RGS3: variants seen among roughly 807,000 people sequenced by gnomAD.
The protein encoded by RGS3 is regulator of G protein signaling 3.
Under a neutral mutation model 132.6 loss-of-function variants are expected in RGS3, and 80 were observed. That is an observed-to-expected ratio of 0.60 (90% CI 0.50 to 0.73). The LOEUF is 0.73. RGS3 is among the 30% of genes least tolerant of loss of function. The probability of loss-of-function intolerance (pLI) is 0.00; values close to 1 mark genes in which losing one functional copy is unlikely to be tolerated. For missense variants in RGS3, 1,382 were observed against 1,530.8 expected (o/e 0.90, Z 1.62); for synonymous variants, 598 against 620.6 (o/e 0.96, Z 0.54).
intron 3 of RGS3, among the ~76,000 whole-genome samples, chr9:113,470,383 C>A (rs922097769): frequency 7.2e-5 from 11 of 152,140 alleles, no homozygotes; most frequent in African/African-American, 2.7e-4. Flanking sequence ...TTGTCTATTT[C>A]CCATTGCAGT....
At chr9:113,468,650 A>G (rs950762648) in intron 3 of RGS3, among the ~76,000 whole-genome samples, 3 of 152,206 alleles carry the variant, frequency 2.0e-5, no homozygotes, top group Non-Finnish European at 4.4e-5. Context: ...AAGGGATACC[A>G]ACTTATTAGT....
rs138354094 is a variant in RGS3, at chr9:113,595,718, G to T, written c.3364G>T (p.Ala1122Ser). Residue 1122 changes from alanine (A) to serine (S), a missense_variant, in exon 24 of 25, where the codon GCC becomes TCC. Transcript: ENST00000350696. ...GTCACAGTCCAAGATGGCATCCAAG[G>T]CCAAGAAGATCTTTGCTGAATACAT... 2.3e-5 allele frequency: 37 copies of T among 1,614,164 alleles called. No individual in the cohort carries two copies. In the East Asian group the frequency reaches 7.8e-4, roughly 34 times the overall value.
At chr9:113,487,716 C>A (rs1488007077) in intron 7 of RGS3, among the ~76,000 whole-genome samples, 1 of 152,094 alleles carries the variant, frequency 6.6e-6, no homozygotes, top group Non-Finnish European at 1.5e-5. Context: ...AGGTTAAGTA[C>A]AAAGTAGGGA....
chr9:113,565,174 G>A lies in RGS3; in HGVS notation c.2038-18276G>A, dbSNP rs1833938691. 2 of 1,228,670 alleles carry A rather than the reference G, an allele frequency of 1.6e-6. No individual in the cohort carries two copies. Among genetic ancestry groups the A allele is most frequent in the African/African-American group, 1.6e-5 (1 of 63,884 alleles). The allele number at this position is 1,228,670 out of a possible 1,614,324, so 76.1% of individuals were successfully genotyped here. Reference sequence around the variant, plus strand: ...ACCCACAGCCTATGCGTGTGAGCATGTAACCCGGGAGCCAGCTGGGCCCCT... The same window carrying A: ...ACCCACAGCCTATGCGTGTGAGCATATAACCCGGGAGCCAGCTGGGCCCCT... On this transcript the variant is annotated intron_variant, in intron 19 of 24. Transcript: ENST00000350696. The surrounding 1 kb of genome is among the most constrained non-coding windows in gnomAD (Gnocchi z 5.7).
intron 1 of RGS3, among the ~76,000 whole-genome samples, chr9:113,454,429 G>GA (rs1321744509): frequency 7.2e-5 from 11 of 151,942 alleles, no homozygotes; most frequent in African/African-American, 2.7e-4. Context: ...CCAACATGGT[G>GA]AAACCCTGTC....
chr9:113,528,577 T>G (rs1832323673), intron 17 of RGS3, among the ~76,000 whole-genome samples: 1 of 152,202 alleles, frequency 6.6e-6, no homozygotes, highest in African/African-American at 2.4e-5. Flanking sequence ...TTAGCTCCTC[T>G]GCTGAAGGAG....
intron 10 of RGS3, among the ~76,000 whole-genome samples, chr9:113,498,679 C>G (rs145030707): frequency 6.6e-6 from 1 of 152,216 alleles, no homozygotes; most frequent in South Asian, 2.1e-4. Context: ...CTTTGGGAGG[C>G]CGAGGTGGGC....
chr9:113,508,578 A>G, exon 14 of RGS3: 1 of 1,612,228 alleles, frequency 6.2e-7, no homozygotes, highest in South Asian at 1.1e-5. Context: ...ACCATCCCCG[A>G]AGGTGAGTCT....
intron 5 of RGS3, among the ~76,000 whole-genome samples, chr9:113,483,663 C>G (rs1395150125): frequency 6.6e-6 from 1 of 152,198 alleles, no homozygotes; most frequent in Non-Finnish European, 1.5e-5. Flanking sequence ...CTGAAGCCTT[C>G]AGGCTGATCA....
At position 113,507,186 on chromosome 9, in the gene RGS3, C is replaced by G. The variant is rs183111830; in HGVS notation, c.1086-101C>G. 5.8e-4 allele frequency: 549 copies of G among 938,558 alleles called. 2 individuals are homozygous for G. The African/African-American group carries it at 8.3e-3, about 14-fold the overall frequency. 58.1% of individuals were successfully genotyped at this position (938,558 alleles called of 1,614,324 possible). A position where few individuals can be genotyped will look rare whatever the true frequency, so the allele number is the denominator to read the frequency against. On this transcript the variant is annotated intron_variant, in intron 12 of 24. Coordinates refer to ENST00000350696, the Ensembl canonical transcript of RGS3. This position sits in a 1 kb window ranked among gnomAD's most constrained non-coding sequence, Gnocchi z 5.0. ...TGGGGGCTTCCCCTCTGGTGTCTGC[C>G]TCCTCTTCCCCCATTATCCTCTCTG...
chr9:113,543,326 G>T (rs190796343), intron 19 of RGS3, among the ~76,000 whole-genome samples: 90 of 152,340 alleles, frequency 5.9e-4, no homozygotes, highest in Non-Finnish European at 1.1e-3. Context: ...GCCTAGAAGA[G>T]AATACACCCC....
intron 19 of RGS3, among the ~76,000 whole-genome samples, chr9:113,577,296 TTTTAGAAATTAGC>T (rs750900296): frequency 2.6e-5 from 4 of 152,192 alleles, no homozygotes; most frequent in African/African-American, 7.2e-5. Context: ...AACTTTTATT[TTTTAGAAATTAGC>T]TTTAGAAATT....
chr9:113,490,981 TATTA>T (rs1830497734), intron 7 of RGS3, among the ~76,000 whole-genome samples: 1 of 133,722 alleles, frequency 7.5e-6, no homozygotes, highest in East Asian at 2.1e-4. Flanking sequence ...ATAACTTAAT[TATTA>T]TATATTGGTA....
upstream of RGS3, among the ~76,000 whole-genome samples, chr9:113,459,279 T>G (rs910103078): frequency 1.3e-5 from 2 of 152,224 alleles, no homozygotes; most frequent in Non-Finnish European, 2.9e-5. Context: ...TATCTGGATT[T>G]TCTATAATTT....
At chr9:113,540,810 G>C (rs1284451486) in intron 19 of RGS3, among the ~76,000 whole-genome samples, 3 of 152,216 alleles carry the variant, frequency 2.0e-5, no homozygotes, top group Non-Finnish European at 4.4e-5. Flanking sequence ...TGTGACCTCA[G>C]GTGAGCCAGT....
chr9:113,582,078 G>C (rs1327958928), intron 19 of RGS3: 2 of 985,284 alleles, frequency 2.0e-6, no homozygotes, highest in Admixed American at 1.2e-4. Flanking sequence ...CCAGATGCCA[G>C]CGTGACCCCT....
intron 1 of RGS3, among the ~76,000 whole-genome samples, chr9:113,447,327 A>ATATATATATATATATATATATATG (rs1484683848): frequency 2.8e-5 from 2 of 72,624 alleles, no homozygotes; most frequent in East Asian, 4.6e-4. Context: ...ATGTATGTAT[A>ATATATATATATATATATATATATG]TGTATATATA....
chr9:113,578,976 G>A (rs1005663117), intron 19 of RGS3, among the ~76,000 whole-genome samples: 1 of 152,178 alleles, frequency 6.6e-6, no homozygotes, highest in South Asian at 2.1e-4. Context: ...ATGATGGAGT[G>A]AAGATTCCAG....
chr9:113,463,316 A>G lies in RGS3; in HGVS notation c.415+1115A>G, dbSNP rs1350442639. ...TTTCCAAACCTCACTGCCCTGGGCC[A>G]TCGGGTGCTCCTTTGCCTTTGCTTG... On this transcript the variant is annotated intron_variant, in intron 3 of 24. Transcript: ENST00000350696. The surrounding 1 kb of genome is among the most constrained non-coding windows in gnomAD (Gnocchi z 4.6). Among the ~76,000 whole-genome samples, 2 of 152,302 alleles carry G rather than the reference A, an allele frequency of 1.3e-5. No homozygotes were observed. The highest frequency in any genetic ancestry group is 4.8e-5 in the African/African-American group (2 of 41,568).
Sources: allele counts gnomAD v4.1 joint callset (sites outside exome capture counted in the v4.1 genomes callset), GRCh38; gene constraint gnomAD v4.1.1; non-coding constraint Gnocchi (gnomAD v3.1); transcripts MANE v1.5; gene names NCBI Gene and HGNC (gene_info 2026-07-23, HGNC 2026-07-21).